Variants in PPP2R2B observed in about 807,000 individuals in gnomAD.
The protein encoded by PPP2R2B is serine/threonine-protein phosphatase 2A 55 kDa regulatory subunit B beta isoform.
A neutral mutation model predicts 46.0 loss-of-function variants in PPP2R2B; 5 were observed. The ratio of observed to expected loss-of-function variants is 0.11; its 90% CI spans 0.06 to 0.23. The LOEUF (loss-of-function observed/expected upper bound fraction) is 0.23. Ranked by LOEUF, PPP2R2B falls within the 10% of genes least tolerant of loss-of-function variation. The probability of loss-of-function intolerance (pLI) is 1.00; values close to 1 mark genes in which losing one functional copy is unlikely to be tolerated. For missense variants in PPP2R2B, 367 were observed against 575.0 expected (o/e 0.64, Z 3.70); for synonymous variants, 215 against 206.7 (o/e 1.04, Z -0.34).
At chr5:146,972,687 A>T (rs953244009) in intron 1 of PPP2R2B, among the ~76,000 whole-genome samples, 6 of 152,118 alleles carry the variant, frequency 3.9e-5, no homozygotes, top group African/African-American at 1.4e-4. Context: ...ACTCCAGCCT[A>T]GGCAAGAGAG....
intron 1 of PPP2R2B, among the ~76,000 whole-genome samples, chr5:146,919,159 G>A (rs2151812844): frequency 6.6e-6 from 1 of 152,322 alleles, no homozygotes. Flanking sequence ...ATCAAAGACT[G>A]ATGTCAAAAC....
intron 2 of PPP2R2B, among the ~76,000 whole-genome samples, chr5:146,823,191 A>ACTTTTT (rs988560469): frequency 1.3e-5 from 2 of 151,640 alleles, no homozygotes; most frequent in African/African-American, 4.8e-5. Context: ...GCCAGAGTTT[A>ACTTTTT]CTTCTTCTTC....
intron 2 of PPP2R2B, among the ~76,000 whole-genome samples, chr5:146,729,665 G>C (rs1752110167): frequency 6.6e-6 from 1 of 152,208 alleles, no homozygotes; most frequent in Non-Finnish European, 1.5e-5. Context: ...TGGCTGAAAA[G>C]GGCCAACATA....
chr5:146,620,903 G>T (rs1314772740), intron 7 of PPP2R2B, among the ~76,000 whole-genome samples: 1 of 152,232 alleles, frequency 6.6e-6, no homozygotes, highest in Non-Finnish European at 1.5e-5. Context: ...CTGGGAAGCT[G>T]GTTGCCATGG....
At chr5:147,032,613 T>C (rs117031908) in intron 1 of PPP2R2B, among the ~76,000 whole-genome samples, 2 of 152,324 alleles carry the variant, frequency 1.3e-5, no homozygotes, top group East Asian at 3.9e-4. Context: ...AGATGTTTGG[T>C]GTTCCATTCT....
chr5:146,874,271 T>A (rs183656933), intron 2 of PPP2R2B, among the ~76,000 whole-genome samples: 2 of 152,314 alleles, frequency 1.3e-5, no homozygotes, highest in East Asian at 3.9e-4. Context: ...ACATCCCGTA[T>A]CACCTCTGCA....
intron 5 of PPP2R2B, among the ~76,000 whole-genome samples, chr5:146,673,436 T>C (rs1242140602): frequency 6.6e-6 from 1 of 151,632 alleles, no homozygotes; most frequent in Non-Finnish European, 1.5e-5. Flanking sequence ...TCAACAGAAC[T>C]TTTTTTGGGT....
chr5:146,973,327 G>A (rs1354293619), intron 1 of PPP2R2B, among the ~76,000 whole-genome samples: 1 of 152,194 alleles, frequency 6.6e-6, no homozygotes, highest in Non-Finnish European at 1.5e-5. Context: ...GACAGATAAA[G>A]CAAAACAACA....
chr5:146,957,013 T>C (rs1014562133), intron 1 of PPP2R2B, among the ~76,000 whole-genome samples: 17 of 152,354 alleles, frequency 1.1e-4, no homozygotes, highest in Admixed American at 1.1e-3. Flanking sequence ...TTGGAATACA[T>C]AAACATTCAG....
At chr5:147,063,995 G>A (rs1282211181) in intron 2 of PPP2R2B, among the ~76,000 whole-genome samples, 1 of 152,160 alleles carries the variant, frequency 6.6e-6, no homozygotes, top group African/African-American at 2.4e-5. Context: ...AGGAGAAAAT[G>A]TTGTACCTGT....
intron 1 of PPP2R2B, among the ~76,000 whole-genome samples, chr5:147,026,258 T>C (rs1329200016): frequency 6.6e-6 from 1 of 152,134 alleles, no homozygotes; most frequent in East Asian, 1.9e-4. Context: ...AAGTACGGTA[T>C]ATCCATACAA....
chr5:146,822,454 C>T (rs1401936217), intron 2 of PPP2R2B, among the ~76,000 whole-genome samples: 1 of 151,930 alleles, frequency 6.6e-6, no homozygotes, highest in African/African-American at 2.4e-5. Context: ...ATACTCTCCA[C>T]ATTCATTACT....
chr5:146,609,753 T>G (rs1412973297), intron 7 of PPP2R2B, among the ~76,000 whole-genome samples: 1 of 139,886 alleles, frequency 7.1e-6, no homozygotes, highest in Non-Finnish European at 1.5e-5. Context: ...GAAAATCGGG[T>G]CACTCCCACC....
intron 1 of PPP2R2B, among the ~76,000 whole-genome samples, chr5:147,010,584 A>T (rs950356857): frequency 2.6e-5 from 4 of 152,120 alleles, no homozygotes; most frequent in Admixed American, 2.6e-4. Context: ...CTTGTATGAG[A>T]ATCTAATGTC....
At chr5:146,656,018 G>C (rs1278071032) in intron 5 of PPP2R2B, among the ~76,000 whole-genome samples, 1 of 152,182 alleles carries the variant, frequency 6.6e-6, no homozygotes, top group African/African-American at 2.4e-5. Context: ...CTTCTGGGGT[G>C]AGGTCAGTGA....
At chr5:146,962,900 T>C (rs1271539072) in intron 1 of PPP2R2B, among the ~76,000 whole-genome samples, 4 of 152,142 alleles carry the variant, frequency 2.6e-5, no homozygotes, top group Non-Finnish European at 4.4e-5. Context: ...TGCTACCTCT[T>C]GTTTTACAGG....
chr5:146,864,867 G>A (rs1319100482), intron 2 of PPP2R2B, among the ~76,000 whole-genome samples: 1 of 152,128 alleles, frequency 6.6e-6, no homozygotes, highest in African/African-American at 2.4e-5. Context: ...GTGACAATGT[G>A]AGGTGGAAGC....
intron 2 of PPP2R2B, among the ~76,000 whole-genome samples, chr5:146,803,942 C>A (rs556792662): frequency 6.6e-6 from 1 of 151,948 alleles, no homozygotes; most frequent in Non-Finnish European, 1.5e-5. Context: ...CCGAGGCAGG[C>A]AGATCACAAG....
At position 146,808,635 on chromosome 5, in the gene PPP2R2B, G is replaced by T. The variant is rs1757336247; in HGVS notation, c.70+69367C>A. 2.6e-5 allele frequency among the ~76,000 whole-genome samples: 4 copies of T among 152,278 alleles called. No individual in the cohort carries two copies. In the South Asian group the frequency reaches 8.3e-4, roughly 32 times the overall value. On this transcript the variant is annotated intron_variant, in intron 2 of 9. Transcript: ENST00000394411. ...ATCCTAGAAGCCGGGGCTCTGGCGT[G>T]TGTTGCCAGCCTTGCCAGCCTTGGC...
Sources: gnomAD v4.1 joint callset for allele counts (sites outside exome capture counted in the v4.1 genomes callset) on GRCh38, gnomAD v4.1.1 for gene constraint, MANE v1.5 for transcripts, NCBI Gene and HGNC (gene_info 2026-07-23, HGNC 2026-07-21) for gene names.